Variants in DNAI1 observed in about 807,000 individuals in gnomAD.
DNAI1 encodes dynein axonemal intermediate chain 1, also known as dynein, axonemal, intermediate polypeptide 1.
A neutral mutation model predicts 92.0 loss-of-function variants in DNAI1; 67 were observed. That is an observed-to-expected ratio of 0.73 (90% CI 0.60 to 0.89). The LOEUF (loss-of-function observed/expected upper bound fraction) is 0.89. Ranked by LOEUF, DNAI1 falls within the 40% of genes least tolerant of loss-of-function variation. The probability of loss-of-function intolerance (pLI) is 0.00; values close to 1 mark genes in which losing one functional copy is unlikely to be tolerated. For synonymous variants in DNAI1, 323 were observed against 319.6 expected, an observed-to-expected ratio of 1.01 and a Z score of -0.11; for missense variants, 839 against 866.6, an observed-to-expected ratio of 0.97 and a Z score of 0.40.
In DNAI1 at chr9:34,500,808, G is replaced by A. The variant is rs982925157; in HGVS notation, c.988G>A (p.Ala330Thr). 3 of 1,614,032 alleles carry A rather than the reference G, an allele frequency of 1.9e-6. No homozygotes were observed. Among genetic ancestry groups the A allele is most frequent in the Non-Finnish European group, 2.5e-6 (3 of 1,180,026 alleles). ...GCTCTGGAAGTTCCAAAATGACAAA[G>A]CCAAGCGCCTGTCCGTCACTGCCCT... ...LPLWKFQNDK[A>T]KRLSVTALCW... The change falls in exon 11 of 20, where the codon GCC becomes ACC. Residue 330 changes from alanine (A) to threonine (T), a missense_variant. Coordinates refer to ENST00000242317, the MANE Select transcript of DNAI1 (RefSeq NM_012144.4).
chr9:34,490,220 G>A (rs1031964570), intron 6 of DNAI1, 96 bp downstream of exon 6: 4 of 1,610,308 alleles, frequency 2.5e-6, no homozygotes, highest in African/African-American at 2.7e-5. Context: ...GGAGACCTAA[G>A]GTGAGAATAG....
rs10972138 is a variant in DNAI1 at position 34,500,612 on chromosome 9, T to C, written c.902-110T>C. On this transcript the variant is annotated intron_variant, in intron 10 of 19. Transcript: ENST00000242317. Reference sequence around the variant, plus strand: ...ATAGGTAGTAGTATTATTCCCACTCTAAAACAGAGGCTCATTGTTTTGCCC... The same window carrying C: ...ATAGGTAGTAGTATTATTCCCACTCCAAAACAGAGGCTCATTGTTTTGCCC... The C allele has an allele frequency of 0.018, 13,168 of 745,732 alleles. 527 individuals are homozygous for C. Among genetic ancestry groups the C allele is most frequent in the East Asian group, 0.11 (4,184 of 37,532 alleles). 46.2% of individuals were successfully genotyped at this position (745,732 alleles called of 1,614,324 possible).
rs528654742 is a variant in DNAI1, at chr9:34,519,063, CTGAG to C, written c.2002-1594_2002-1591del. ...TGTGTGTATCTGGGGACCTACGTCT[CTGAG>C]GACCTGAGAAGGGACAGGTGGGGGC... is the stretch of plus-strand genomic sequence containing the variant. On this transcript the variant is annotated intron_variant, in intron 19 of 19. Coordinates refer to ENST00000242317, the MANE Select transcript of DNAI1 (RefSeq NM_012144.4). 9.8e-5 allele frequency among the ~76,000 whole-genome samples: 15 copies of C among 152,316 alleles called. No individual in the cohort carries two copies. In the South Asian group the frequency reaches 3.1e-3, roughly 32 times the overall value.
intron 1 of DNAI1, among the ~76,000 whole-genome samples, chr9:34,476,546 G>C (rs1298930582): frequency 2.0e-5 from 3 of 152,210 alleles, no homozygotes; most frequent in Non-Finnish European, 2.9e-5. Context: ...AAGCCAAGGA[G>C]GTGATCCAGA....
At chr9:34,459,276 C>T (rs1564024077) in intron 1 of DNAI1, among the ~76,000 whole-genome samples, 1 of 151,876 alleles carries the variant, frequency 6.6e-6, no homozygotes, top group Non-Finnish European at 1.5e-5. Flanking sequence ...CCGTTTCTTA[C>T]CTCTCTCCTT....
At chr9:34,493,385 CTGGGT>C (rs1564034252) in intron 9 of DNAI1, 57 bp downstream of exon 9, 193 of 1,612,706 alleles carry the variant, frequency 1.2e-4, no homozygotes, top group Non-Finnish European at 1.6e-4. Context: ...GCCTTGGCCT[CTGGGT>C]AGACAGAAGC....
chr9:34,484,104 A>G (rs372121325), intron 2 of DNAI1, among the ~76,000 whole-genome samples: 6 of 152,082 alleles, frequency 3.9e-5, no homozygotes, highest in African/African-American at 1.4e-4. Flanking sequence ...AGTCCCAACT[A>G]TTTGGGAGGC....
chr9:34,481,508 C>T (rs1193632578), intron 1 of DNAI1, among the ~76,000 whole-genome samples: 1 of 152,182 alleles, frequency 6.6e-6, no homozygotes, highest in Non-Finnish European at 1.5e-5. Context: ...CCTTTTGTGT[C>T]TGGAATTGGT....
chr9:34,518,707 G>A (rs1221180276), intron 19 of DNAI1, among the ~76,000 whole-genome samples: 1 of 152,268 alleles, frequency 6.6e-6, no homozygotes, highest in South Asian at 2.1e-4. Flanking sequence ...CTCCAGGAGG[G>A]ATGATGGTCA....
chr9:34,485,406 G>C (rs781077267), intron 3 of DNAI1, 31 bp from the exon 4 acceptor site: 8 of 1,609,814 alleles, frequency 5.0e-6, no homozygotes, highest in Non-Finnish European at 6.0e-6. Context: ...GGGTCTTCAT[G>C]TATGACCCTC....
At chr9:34,469,996 G>A (rs1824109447) in intron 1 of DNAI1, among the ~76,000 whole-genome samples, 1 of 152,196 alleles carries the variant, frequency 6.6e-6, no homozygotes, top group Non-Finnish European at 1.5e-5. Flanking sequence ...ACAACAATAG[G>A]GGAAAGGATG....
At chr9:34,484,945 AG>A (rs1824440889) in intron 2 of DNAI1, 196 bp from the exon 3 acceptor site, 1 of 570,902 alleles carries the variant, frequency 1.8e-6, no homozygotes, top group Non-Finnish European at 3.2e-6. Context: ...AGAGGTGGCC[AG>A]GATCTTCCAG....
chr9:34,481,594 C>T (rs909730072), intron 1 of DNAI1, among the ~76,000 whole-genome samples: 3 of 152,184 alleles, frequency 2.0e-5, no homozygotes, highest in African/African-American at 4.8e-5. Flanking sequence ...TAAGGTGGTG[C>T]GTCTGGAGTC....
At chr9:34,510,718 C>G (rs572793830) in intron 13 of DNAI1, among the ~76,000 whole-genome samples, 1 of 152,250 alleles carries the variant, frequency 6.6e-6, no homozygotes, top group East Asian at 1.9e-4. Context: ...GGCGTCTGCT[C>G]ATTAAACACT....
rs765638771 is a variant in DNAI1 at position 34,501,108 on chromosome 9, A to G, written c.1020-30A>G. The stretch of plus-strand genomic sequence containing the variant: ...CACAGGAGGGCCATGTTCATTTCCT[A>G]TGCCAATGGATTCATATTTTTTTTT... On this transcript the variant is annotated intron_variant, in intron 11 of 19. Transcript: ENST00000242317. 13 of 1,600,884 alleles carry G rather than the reference A, an allele frequency of 8.1e-6. No homozygotes were observed. The Admixed American group carries it at 1.2e-4, about 14-fold the overall frequency.
chr9:34,480,607 C>T (rs1193248097), intron 1 of DNAI1, among the ~76,000 whole-genome samples: 2 of 152,106 alleles, frequency 1.3e-5, no homozygotes, highest in Non-Finnish European at 2.9e-5. Flanking sequence ...ACATTTTCTC[C>T]ACCTAGACAA....
At position 34,506,715 on chromosome 9, in the gene DNAI1, C is replaced by T. The variant is rs145549023; in HGVS notation, c.1152C>T (p.Ser384=). ...SFPEYMFSSN[S]GVMCLDIHVD... Reference sequence around the variant, plus strand: ...CTGAGTACATGTTCAGCAGCAACAGCGGCGTCATGTGTCTCGACATCCACG... The same window carrying T: ...CTGAGTACATGTTCAGCAGCAACAGTGGCGTCATGTGTCTCGACATCCACG... Residue 384 remains serine (S), a synonymous_variant, in exon 13 of 20, where the codon AGC becomes AGT. Transcript: ENST00000242317. The T allele has an allele frequency of 2.0e-5, 33 of 1,614,056 alleles. No homozygotes were observed. The highest frequency in any genetic ancestry group is 1.5e-4 in the African/African-American group (11 of 74,926).
At chr9:34,469,487 G>C (rs959033391) in intron 1 of DNAI1, among the ~76,000 whole-genome samples, 1 of 151,836 alleles carries the variant, frequency 6.6e-6, no homozygotes, top group Non-Finnish European at 1.5e-5. Flanking sequence ...GGCTGGTCTT[G>C]AATTCTTGGG....
Position 34,512,400 on chromosome 9 carries a change from G to A in DNAI1, c.1465G>A (p.Glu489Lys). 2 of 1,614,152 alleles carry A rather than the reference G, an allele frequency of 1.2e-6. No homozygotes were observed. Among genetic ancestry groups the A allele is most frequent in the Non-Finnish European group, 1.7e-6 (2 of 1,180,018 alleles). The change falls in exon 15 of 20, where the codon GAG becomes AAG. Residue 489 changes from glutamate (E) to lysine (K), a missense_variant. By Grantham distance (56) the Glu-to-Lys change is moderately conservative. Coordinates refer to ENST00000242317, the MANE Select transcript of DNAI1 (RefSeq NM_012144.4). ...KVEGSTTEVPEGLQLHPVGCG... is the reference protein window; with the variant it reads ...KVEGSTTEVPKGLQLHPVGCG... ...GGAAGGCAGCACCACGGAAGTTCCT[G>A]AGGGGTTGCAGCTGCACCCAGTGGG...
Sources: gnomAD v4.1 joint callset for allele counts (sites outside exome capture counted in the v4.1 genomes callset) on GRCh38, gnomAD v4.1.1 for gene constraint, MANE v1.5 for transcripts, NCBI Gene and HGNC (gene_info 2026-07-23, HGNC 2026-07-21) for gene names.